KIT: variants seen among roughly 807,000 people sequenced by gnomAD.
KIT encodes mast/stem cell growth factor receptor Kit.
A neutral mutation model predicts 105.7 loss-of-function variants in KIT; 16 were observed. The observed-to-expected ratio is 0.15, with a 90% CI of 0.10 to 0.23. The LOEUF is 0.23. Ranked by LOEUF, KIT falls within the 10% of genes least tolerant of loss-of-function variation. KIT has a pLI of 1.00. For synonymous variants in KIT, 438 were observed against 441.1 expected (o/e 0.99, Z 0.09); for missense variants, 858 against 1,213.8 (o/e 0.71, Z 4.36).
At chr4:54,678,480 G>C (rs945882076) in intron 1 of KIT, among the ~76,000 whole-genome samples, 1 of 151,156 alleles carries the variant, frequency 6.6e-6, no homozygotes, top group Non-Finnish European at 1.5e-5. Flanking sequence ...AGTAACAACA[G>C]GACCATTTTA....
At chr4:54,676,836 T>G (rs1718511188) in intron 1 of KIT, among the ~76,000 whole-genome samples, 1 of 152,148 alleles carries the variant, frequency 6.6e-6, no homozygotes, top group Non-Finnish European at 1.5e-5. Flanking sequence ...CTGTGGCCTC[T>G]GCAGGAGCTG....
At chr4:54,664,011 AT>A (rs1717495793) in intron 1 of KIT, among the ~76,000 whole-genome samples, 1 of 152,056 alleles carries the variant, frequency 6.6e-6, no homozygotes, top group Non-Finnish European at 1.5e-5. Flanking sequence ...TCGAAGTAGA[AT>A]TTGGTTTTCT....
chr4:54,690,059 G>T (rs2703472), intron 1 of KIT, among the ~76,000 whole-genome samples: 3,535 of 71,128 alleles, frequency 0.05, 213 homozygotes, highest in African/African-American at 0.26. Flanking sequence ...TTTTTTTTGT[G>T]GGGGGGGGGG....
At chr4:54,728,548 T>C (rs1722384283) in intron 13 of KIT, among the ~76,000 whole-genome samples, 1 of 152,182 alleles carries the variant, frequency 6.6e-6, no homozygotes, top group African/African-American at 2.4e-5. Flanking sequence ...ATTTCACTTC[T>C]CTAAAAATAA....
At chr4:54,671,700 AG>A (rs1431929797) in intron 1 of KIT, among the ~76,000 whole-genome samples, 1 of 152,200 alleles carries the variant, frequency 6.6e-6, no homozygotes, top group African/African-American at 2.4e-5. Context: ...TGCCTTCTAG[AG>A]TATTCCCTGG....
Position 54,737,296 on chromosome 4 carries a change from C to G in KIT, c.2802+16C>G. The G allele has an allele frequency of 6.6e-7, 1 of 1,525,102 alleles. No individual in the cohort carries two copies. Among genetic ancestry groups the G allele is most frequent in the African/African-American group, 1.4e-5 (1 of 73,258 alleles). The allele number at this position is 1,525,102 out of a possible 1,614,324, so 94.5% of individuals were successfully genotyped here. A position where few individuals can be genotyped will look rare whatever the true frequency, so the allele number is the denominator to read the frequency against. ...CACCAATCATGTGAGTATACCCTGGCCAGGCATAGAATCCCCCTTCTCCCA... is the reference window on the plus strand; with the variant it reads ...CACCAATCATGTGAGTATACCCTGGGCAGGCATAGAATCCCCCTTCTCCCA... On this transcript the variant is annotated intron_variant, in intron 20 of 20. Coordinates refer to ENST00000288135, the MANE Select transcript of KIT (RefSeq NM_000222.3).
rs1277894108 is a variant in KIT at position 54,740,296 on chromosome 4, TTGTC to T, written c.*1742_*1745del. 1.3e-5 allele frequency: 3 copies of T among 233,492 alleles called. No individual in the cohort carries two copies. Among genetic ancestry groups the T allele is most frequent in the African/African-American group, 2.2e-5 (1 of 45,344 alleles). 14.5% of individuals were successfully genotyped at this position (233,492 alleles called of 1,614,324 possible). A position where few individuals can be genotyped will look rare whatever the true frequency, so the allele number is the denominator to read the frequency against. ...CCAAGAGATTGTTGTTTGCCATACTTTGTCTGAAAAATTCCTTTGTGTTTCTATT... is the reference window on the plus strand; with the variant it reads ...CCAAGAGATTGTTGTTTGCCATACTTTGAAAAATTCCTTTGTGTTTCTATT... On this transcript the variant is annotated 3_prime_UTR_variant, in exon 21 of 21. Coordinates refer to ENST00000288135, the MANE Select transcript of KIT (RefSeq NM_000222.3).
At chr4:54,736,399 C>T (rs1578007102) in intron 17 of KIT, 99 bp from the exon 18 acceptor site, 1 of 943,770 alleles carries the variant, frequency 1.1e-6, no homozygotes, top group East Asian at 2.4e-5. Flanking sequence ...AGTTATCACT[C>T]CACATTTCAG....
chr4:54,738,033 TG>T (rs1229707354), intron 20 of KIT, among the ~76,000 whole-genome samples: 1 of 152,206 alleles, frequency 6.6e-6, no homozygotes, highest in Non-Finnish European at 1.5e-5. Flanking sequence ...TCCACCCAGT[TG>T]CTTTGATTCT....
intron 17 of KIT, among the ~76,000 whole-genome samples, chr4:54,735,032 A>T (rs1018788204): frequency 6.6e-6 from 1 of 152,160 alleles, no homozygotes. Flanking sequence ...TAGAGTGGTG[A>T]TTAATGTAAA....
chr4:54,668,030 G>T (rs1423474819), intron 1 of KIT, among the ~76,000 whole-genome samples: 1 of 152,126 alleles, frequency 6.6e-6, no homozygotes, highest in East Asian at 1.9e-4. Context: ...TAAATATTTA[G>T]CAAAATAATA....
rs573962944 is a variant in KIT at position 54,725,741 on chromosome 4, T to C, written c.1347-116T>C. On this transcript the variant is annotated intron_variant, in intron 8 of 20. Coordinates refer to ENST00000288135, the MANE Select transcript of KIT (RefSeq NM_000222.3). ...ATTCTTAGACACTTGTAAAAGGACA[T>C]TTTCTGTTGATTATGAACCTCTAAC... The C allele has an allele frequency of 7.9e-5, 79 of 998,812 alleles. No homozygotes were observed. In the East Asian group the frequency reaches 1.7e-3, roughly 22 times the overall value. 61.9% of individuals were successfully genotyped at this position (998,812 alleles called of 1,614,324 possible). A position where few individuals can be genotyped will look rare whatever the true frequency, so the allele number is the denominator to read the frequency against.
chr4:54,681,304 G>A (rs986120749), intron 1 of KIT, among the ~76,000 whole-genome samples: 13 of 152,080 alleles, frequency 8.5e-5, no homozygotes, highest in African/African-American at 2.9e-4. Context: ...GGAAACGGGG[G>A]ACTGTGCTGG....
At chr4:54,658,210 C>G in intron 1 of KIT, 129 bp downstream of exon 1, 2 of 917,252 alleles carry the variant, frequency 2.2e-6, no homozygotes, top group Non-Finnish European at 3.5e-6. Flanking sequence ...GTTCCAGCCT[C>G]CGGGGAGACT....
At chr4:54,706,628 A>G (rs922711623) in intron 5 of KIT, among the ~76,000 whole-genome samples, 1 of 152,148 alleles carries the variant, frequency 6.6e-6, no homozygotes, top group Non-Finnish European at 1.5e-5. Flanking sequence ...TATCTGTGAT[A>G]TATAAGAAGA....
intron 5 of KIT, among the ~76,000 whole-genome samples, 195 bp from the exon 6 acceptor site, chr4:54,706,903 T>C (rs1309605188): frequency 2.0e-5 from 3 of 152,198 alleles, no homozygotes; most frequent in Non-Finnish European, 4.4e-5. Flanking sequence ...GTATTTCAAA[T>C]GTGTGTCCTT....
chr4:54,682,750 GTTT>G (rs139702771), intron 1 of KIT, among the ~76,000 whole-genome samples: 1 of 134,090 alleles, frequency 7.5e-6, no homozygotes, highest in Non-Finnish European at 1.7e-5. Flanking sequence ...TGTCTTGACC[GTTT>G]TTTTTTTTTT....
At chr4:54,698,632 T>C in intron 3 of KIT, 67 bp downstream of exon 3, 2 of 1,549,826 alleles carry the variant, frequency 1.3e-6, no homozygotes, top group Non-Finnish European at 1.8e-6. Flanking sequence ...ACTTCTCTTC[T>C]CGTTGATCCA....
chr4:54,728,976 AGT>A (rs1471642598), intron 13 of KIT, among the ~76,000 whole-genome samples: 2 of 152,120 alleles, frequency 1.3e-5, no homozygotes, highest in African/African-American at 4.8e-5. Flanking sequence ...CGTTACAGAG[AGT>A]GTGTGAAGCC....
Sources: allele counts gnomAD v4.1 joint callset (sites outside exome capture counted in the v4.1 genomes callset), GRCh38; gene constraint gnomAD v4.1.1; transcripts MANE v1.5; gene names NCBI Gene and HGNC (gene_info 2026-07-23, HGNC 2026-07-21).